Variants in TMEM94 observed in about 807,000 individuals in gnomAD.
TMEM94 encodes ER Mg2+ ATPase.
Under a neutral mutation model 158.6 loss-of-function variants are expected in TMEM94, and 81 were observed. The ratio of observed to expected loss-of-function variants is 0.51; its 90% CI spans 0.43 to 0.61. The LOEUF is 0.61. Among genes scored for constraint, TMEM94 ranks in the 20% least tolerant of loss-of-function variants. The pLI is 0.00. For missense variants in TMEM94, 1,435 were observed against 1,762.0 expected, an observed-to-expected ratio of 0.81 and a Z score of 3.32; for synonymous variants, 751 against 730.7, an observed-to-expected ratio of 1.03 and a Z score of -0.45.
intron 1 of TMEM94, among the ~76,000 whole-genome samples, chr17:75,462,079 C>T (rs1284855594): frequency 3.9e-5 from 5 of 128,532 alleles, no homozygotes; most frequent in Non-Finnish European, 7.9e-5. Flanking sequence ...GGCACGATCT[C>T]GGCTCACTGC....
chr17:75,490,747 GTCTCC>G lies in TMEM94; in HGVS notation c.1122_1126del (p.Ser375GlyfsTer71). Reference sequence around the variant, plus strand: ...TACTCTCAGCAGCTATACGGAGGCTGTCTCCTCTCAGGTACAACACTGACCCGGGA... The same window carrying G: ...TACTCTCAGCAGCTATACGGAGGCTGTCTCAGGTACAACACTGACCCGGGA... On this transcript the variant is annotated frameshift_variant, in exon 11 of 32. Transcript: ENST00000314256. LOFTEE classifies it high-confidence loss of function. 6.2e-7 allele frequency: 1 copy of G among 1,614,000 alleles called. No homozygotes were observed. Among genetic ancestry groups the G allele is most frequent in the Non-Finnish European group, 8.5e-7 (1 of 1,179,876 alleles).
chr17:75,495,123 C>T lies in TMEM94; in HGVS notation c.2728+89C>T, dbSNP rs2052560708. 1 of 1,538,780 alleles carries T rather than the reference C, an allele frequency of 6.5e-7. No individual in the cohort carries two copies. Among genetic ancestry groups the T allele is most frequent in the Non-Finnish European group, 8.8e-7 (1 of 1,135,596 alleles). On this transcript the variant is annotated intron_variant, in intron 20 of 31. Transcript: ENST00000314256. This position sits in a 1 kb window ranked among gnomAD's most constrained non-coding sequence, Gnocchi z 5.6. ...CAGCCAGGAAGAGCCTCCGGAGAGC[C>T]CTCCAGTTAAGTACATTCCCTTGGG...
intron 18 of TMEM94, 116 bp downstream of exon 18, chr17:75,494,032 T>A: frequency 1.0e-6 from 1 of 968,702 alleles, no homozygotes; most frequent in Non-Finnish European, 1.5e-6. Flanking sequence ...AAGGGGGCAG[T>A]GGCCACAGCC....
rs757652199 is a variant in TMEM94, at chr17:75,496,345, C to T, written c.3117C>T (p.Ser1039=). The T allele has an allele frequency of 6.2e-7, 1 of 1,614,026 alleles. No homozygotes were observed. The highest frequency in any genetic ancestry group is 1.3e-5 in the African/African-American group (1 of 74,946). The change falls in exon 24 of 32, where the codon AGC becomes AGT. Residue 1039 remains serine (S), a synonymous_variant. Coordinates refer to ENST00000314256, the MANE Select transcript of TMEM94 (RefSeq NM_014738.6). ...GGGAGACCTTTGGCTACGCCACCAGCATCAGCATGGCCCAGGCCTCGGATG... is the reference window on the plus strand; with the variant it reads ...GGGAGACCTTTGGCTACGCCACCAGTATCAGCATGGCCCAGGCCTCGGATG... The part of the protein sequence containing the change: ...CSWETFGYAT[S]ISMAQASDGL...
At position 75,491,600 on chromosome 17, in the gene TMEM94, G is replaced by A. The variant is rs550082679; in HGVS notation, c.1387-91G>A. 6 of 1,556,886 alleles carry A rather than the reference G, an allele frequency of 3.9e-6. No individual in the cohort carries two copies. The South Asian group carries it at 4.6e-5, about 12-fold the overall frequency. On this transcript the variant is annotated intron_variant, in intron 13 of 31. Transcript: ENST00000314256. The surrounding 1 kb of genome is among the most constrained non-coding windows in gnomAD (Gnocchi z 5.1). ...GGATCTGCTTCTGGGCAGGTGAGGT[G>A]AAGACAAGGCAGCCAGGGGACCTAG...
intron 1 of TMEM94, among the ~76,000 whole-genome samples, chr17:75,465,660 T>C (rs2050277816): frequency 1.7e-5 from 1 of 59,770 alleles, no homozygotes. Context: ...AATTTTTATA[T>C]ATATATATAT....
chr17:75,492,188 C>T lies in TMEM94; in HGVS notation c.1597-286C>T. The T allele has an allele frequency of 7.8e-7, 1 of 1,278,902 alleles. No individual in the cohort carries two copies. The highest frequency in any genetic ancestry group is 1.0e-6 in the Non-Finnish European group (1 of 961,516). 79.2% of individuals were successfully genotyped at this position (1,278,902 alleles called of 1,614,324 possible). A position where few individuals can be genotyped will look rare whatever the true frequency, so the allele number is the denominator to read the frequency against. ...CCCTCTTAGAGATGTTCCCTGGCCA[C>T]AGAAGATCCCTCAACTGTGTCCTCT... On this transcript the variant is annotated intron_variant, in intron 14 of 31. Coordinates refer to ENST00000314256, the MANE Select transcript of TMEM94 (RefSeq NM_014738.6). This position sits in a 1 kb window ranked among gnomAD's most constrained non-coding sequence, Gnocchi z 4.4.
chr17:75,474,129 A>G (rs1233307065), intron 2 of TMEM94, among the ~76,000 whole-genome samples: 1 of 152,026 alleles, frequency 6.6e-6, no homozygotes, highest in Non-Finnish European at 1.5e-5. Context: ...AACAAACAAA[A>G]TGGATAGTAC....
In TMEM94 at chr17:75,498,328, G is replaced by C. The variant is rs778770589; in HGVS notation, c.3638+5G>C. 1 of 1,612,836 alleles carries C rather than the reference G, an allele frequency of 6.2e-7. No homozygotes were observed. The highest frequency in any genetic ancestry group is 8.5e-7 in the Non-Finnish European group (1 of 1,179,992). On this transcript the variant is annotated splice_donor_5th_base_variant and intron_variant, in intron 28 of 31. Transcript: ENST00000314256. This position sits in a 1 kb window ranked among gnomAD's most constrained non-coding sequence, Gnocchi z 6.7. ...CTCCTCCGTCATGCTGCCCAGGTGG[G>C]TCCCAGCCCCAGAGATCCACCCATC... is the stretch of plus-strand genomic sequence containing the variant.
Position 75,495,912 on chromosome 17 carries a change from G to A in TMEM94, c.2945-54G>A. On this transcript the variant is annotated intron_variant, in intron 22 of 31. Coordinates refer to ENST00000314256, the MANE Select transcript of TMEM94 (RefSeq NM_014738.6). This position sits in a 1 kb window ranked among gnomAD's most constrained non-coding sequence, Gnocchi z 5.6. The stretch of plus-strand genomic sequence containing the variant: ...CCTGTCCCATGGGTCTCTGCCCAGT[G>A]CCCACTTGGTGCTCTGCCTGCCTGA... 7.6e-7 allele frequency: 1 copy of A among 1,320,686 alleles called. No homozygotes were observed. Among genetic ancestry groups the A allele is most frequent in the East Asian group, 2.4e-5 (1 of 41,972 alleles). 81.8% of individuals were successfully genotyped at this position (1,320,686 alleles called of 1,614,324 possible).
Position 75,490,684 on chromosome 17 carries a change from C to T in TMEM94, c.1072-18C>T. ...GCGGCGTTTTCCTCACTGAGGACCT[C>T]ACCCTCTCTCCGTGCAGCTGGCTAA... On this transcript the variant is annotated intron_variant, in intron 10 of 31. Transcript: ENST00000314256. 2.5e-6 allele frequency: 4 copies of T among 1,613,348 alleles called. No individual in the cohort carries two copies. The highest frequency in any genetic ancestry group is 3.4e-6 in the Non-Finnish European group (4 of 1,179,390).
At chr17:75,497,342 GTCT>G in intron 26 of TMEM94, 144 bp downstream of exon 26, 17 of 266,904 alleles carry the variant, frequency 6.4e-5, no homozygotes, top group South Asian at 1.6e-4. Flanking sequence ...AACCCCCTTT[GTCT>G]TTTTTTTTTT....
intron 1 of TMEM94, among the ~76,000 whole-genome samples, 185 bp downstream of exon 1, chr17:75,456,936 T>C (rs1197565736): frequency 6.6e-6 from 1 of 152,166 alleles, no homozygotes; most frequent in Non-Finnish European, 1.5e-5. Flanking sequence ...CTCTTGACCA[T>C]TGCCTTCCCC....
In TMEM94 at chr17:75,492,497, C is replaced by T; in HGVS notation, c.1620C>T (p.Asp540=). 3 of 1,596,726 alleles carry T rather than the reference C, an allele frequency of 1.9e-6. No individual in the cohort carries two copies. The highest frequency in any genetic ancestry group is 2.6e-6 in the Non-Finnish European group (3 of 1,168,496). Residue 540 remains aspartate, a synonymous_variant, in exon 15 of 32, where the codon GAC becomes GAT. Transcript: ENST00000314256. This position sits in a 1 kb window ranked among gnomAD's most constrained non-coding sequence, Gnocchi z 4.4. ...AGACCCAGCCTGGGATGGAGAGCGA[C>T]CCCTACGAAGCAGAGGACTTTGTGT... ...PSKTQPGMES[D]PYEAEDFVCD...
At chr17:75,468,235 G>C (rs1296315200) in intron 1 of TMEM94, among the ~76,000 whole-genome samples, 1 of 152,198 alleles carries the variant, frequency 6.6e-6, no homozygotes, top group Non-Finnish European at 1.5e-5. Context: ...AAGAATGGCT[G>C]TCTCCCAGAA....
rs1280458945 is a variant in TMEM94, at chr17:75,463,182, A to ATATG, written c.-107+6434_-107+6435insGTAT. 9.0e-5 allele frequency among the ~76,000 whole-genome samples: 2 copies of ATATG among 22,268 alleles called. 1 individual carries two copies. Among genetic ancestry groups the ATATG allele is most frequent in the African/African-American group, 1.5e-4 (2 of 13,354 alleles). 14.6% of individuals were successfully genotyped at this position (22,268 alleles called of 152,430 possible). ...TATATGTGTGTGTGTGTGTGTGTAT[A>ATATG]TATATATATATATATACAGTTTAAA... On this transcript the variant is annotated intron_variant, in intron 1 of 31. Transcript: ENST00000314256.
At position 75,480,094 on chromosome 17, in the gene TMEM94, GAA is replaced by G. The variant is rs11440424; in HGVS notation, c.25-5322_25-5321del. Reference sequence around the variant, plus strand: ...AACAGAGCAAGACCCGGTCTCAAAGGAAAAAAAAAAAAAGAGAAAAAGAGCGA... The same window carrying G: ...AACAGAGCAAGACCCGGTCTCAAAGGAAAAAAAAAAAGAGAAAAAGAGCGA... On this transcript the variant is annotated intron_variant, in intron 2 of 31. Coordinates refer to ENST00000314256, the MANE Select transcript of TMEM94 (RefSeq NM_014738.6). Among the ~76,000 whole-genome samples, 12 of 136,658 alleles carry G rather than the reference GAA, an allele frequency of 8.8e-5. No individual in the cohort carries two copies. In the Admixed American group the frequency reaches 8.8e-4, roughly 10 times the overall value. 89.7% of individuals were successfully genotyped at this position (136,658 alleles called of 152,430 possible).
Position 75,486,183 on chromosome 17 carries a change from AG to A in TMEM94, c.273-106del, listed in dbSNP as rs11340359. 3.2e-3 allele frequency: 4,818 copies of A among 1,525,996 alleles called. 131 individuals carry two copies. The African/African-American group carries it at 0.058, about 19-fold the overall frequency. The allele number at this position is 1,525,996 out of a possible 1,614,324, so 94.5% of individuals were successfully genotyped here. On this transcript the variant is annotated intron_variant, in intron 4 of 31. Coordinates refer to ENST00000314256, the MANE Select transcript of TMEM94 (RefSeq NM_014738.6). ...TGGTGTCAGGGCACCAGAACGGGAC[AG>A]TCTTTCCACAAGGGACTGGGGTGGG...
At position 75,491,419 on chromosome 17, in the gene TMEM94, C is replaced by T. The variant is rs138600560; in HGVS notation, c.1350C>T (p.Thr450=). The part of the protein sequence containing the change: ...EPPHSSHEDL[T]DGLSTRSFCH... Reference sequence around the variant, plus strand: ...CTCACAGCAGCCATGAGGACCTCACCGATGGCCTATCCACCCGCTCCTTCT... The same window carrying T: ...CTCACAGCAGCCATGAGGACCTCACTGATGGCCTATCCACCCGCTCCTTCT... The change falls in exon 13 of 32, where the codon ACC becomes ACT. Residue 450 remains threonine, a synonymous_variant. Transcript: ENST00000314256. The surrounding 1 kb of genome is among the most constrained non-coding windows in gnomAD (Gnocchi z 5.1). The T allele has an allele frequency of 3.7e-4, 601 of 1,614,148 alleles. 3 individuals carry two copies. In the African/African-American group the frequency reaches 7.5e-3, roughly 20 times the overall value.
Sources: gnomAD v4.1 joint callset for allele counts (sites outside exome capture counted in the v4.1 genomes callset) on GRCh38, gnomAD v4.1.1 for gene constraint, Gnocchi (gnomAD v3.1) non-coding constraint, MANE v1.5 for transcripts, NCBI Gene and HGNC (gene_info 2026-07-23, HGNC 2026-07-21) for gene names.